The following FBXO4 variants were observed in gnomAD, a reference collection of about 807,000 sequenced individuals.
FBXO4 encodes F-box protein 4.
A neutral mutation model predicts 43.7 loss-of-function variants in FBXO4; 36 were observed. The observed-to-expected ratio is 0.82, with a 90% confidence interval of 0.63 to 1.09. The LOEUF is 1.09. Among genes scored for constraint, FBXO4 ranks in the 50% least tolerant of loss-of-function variants. FBXO4 has a pLI of 0.00. For missense variants in FBXO4, 435 were observed against 474.1 expected, an observed-to-expected ratio of 0.92 and a Z score of 0.77; for synonymous variants, 180 against 165.6, an observed-to-expected ratio of 1.09 and a Z score of -0.67.
the FBXO4 span, among the ~76,000 whole-genome samples, chr5:42,019,654 T>C: frequency 3.4e-5 from 5 of 148,008 alleles, no homozygotes; most frequent in African/African-American, 1.2e-4. Context: ...GATCACACCA[T>C]GGCACTCCAG....
the FBXO4 span, among the ~76,000 whole-genome samples, chr5:42,019,481 G>A: frequency 6.6e-6 from 1 of 152,168 alleles, no homozygotes; most frequent in South Asian, 2.1e-4. Flanking sequence ...CTGAGGTCAA[G>A]AGTTTGAGAC....
At chr5:41,955,196 C>A in the FBXO4 span, among the ~76,000 whole-genome samples, 1 of 152,012 alleles carries the variant, frequency 6.6e-6, no homozygotes, top group African/African-American at 2.4e-5. Flanking sequence ...TCACAAAATT[C>A]GTACCTTTTA....
At chr5:41,978,195 G>A in the FBXO4 span, among the ~76,000 whole-genome samples, 3 of 152,046 alleles carry the variant, frequency 2.0e-5, no homozygotes, top group African/African-American at 7.3e-5. Flanking sequence ...CACCTCTTTT[G>A]AACTATAAGA....
the FBXO4 span, among the ~76,000 whole-genome samples, chr5:42,021,402 C>T: frequency 6.6e-6 from 1 of 151,972 alleles, no homozygotes; most frequent in East Asian, 1.9e-4. Context: ...ATTTGAGCAC[C>T]CTTTTAGATC....
chr5:41,972,598 A>C, the FBXO4 span, among the ~76,000 whole-genome samples: 6 of 152,196 alleles, frequency 3.9e-5, no homozygotes, highest in African/African-American at 7.2e-5. Context: ...GAACCAAAAA[A>C]ATAAGCCTGA....
At chr5:42,001,974 C>T in the FBXO4 span, among the ~76,000 whole-genome samples, 19 of 152,268 alleles carry the variant, frequency 1.2e-4, no homozygotes, top group East Asian at 3.7e-3. Flanking sequence ...TGATAACAGG[C>T]GTGAGCCACT....
chr5:41,954,324 T>C, the FBXO4 span, among the ~76,000 whole-genome samples: 1 of 152,230 alleles, frequency 6.6e-6, no homozygotes, highest in African/African-American at 2.4e-5. Context: ...GAGATGCTAC[T>C]ATTAACATTT....
chr5:41,954,912 G>T, the FBXO4 span, among the ~76,000 whole-genome samples: 1 of 152,204 alleles, frequency 6.6e-6, no homozygotes, highest in Non-Finnish European at 1.5e-5. Context: ...AGGAATTCTA[G>T]AGAAAGCAGG....
At chr5:42,001,793 G>A in the FBXO4 span, among the ~76,000 whole-genome samples, 1 of 152,286 alleles carries the variant, frequency 6.6e-6, no homozygotes, top group East Asian at 1.9e-4. Flanking sequence ...CTGGGTTCAA[G>A]CAATTCTCCT....
At chr5:42,021,204 G>A in the FBXO4 span, among the ~76,000 whole-genome samples, 2 of 152,124 alleles carry the variant, frequency 1.3e-5, no homozygotes, top group African/African-American at 4.8e-5. Flanking sequence ...GTTGAAGGAA[G>A]GAAATCAGTT....
the FBXO4 span, among the ~76,000 whole-genome samples, chr5:41,952,951 T>C: frequency 3.9e-5 from 6 of 152,104 alleles, no homozygotes; most frequent in Non-Finnish European, 5.9e-5. Flanking sequence ...TCAGTTTTTT[T>C]CTTTTTTTAT....
At chr5:42,011,758 T>A in the FBXO4 span, among the ~76,000 whole-genome samples, 1 of 152,302 alleles carries the variant, frequency 6.6e-6, no homozygotes, top group South Asian at 2.1e-4. Context: ...ATGTAGAGTG[T>A]GTGCAGTAAG....
the FBXO4 span, chr5:41,967,047 G>T: frequency 3.8e-6 from 1 of 264,848 alleles, no homozygotes; most frequent in Non-Finnish European, 7.4e-6. Context: ...CATTTCAGTG[G>T]AAAAAATAAA....
chr5:41,989,377 A>C, the FBXO4 span, among the ~76,000 whole-genome samples: 5 of 152,296 alleles, frequency 3.3e-5, no homozygotes, highest in South Asian at 2.1e-4. Flanking sequence ...TTCAGAACTT[A>C]GCATAGAACT....
chr5:42,035,179 A>G, the FBXO4 span, among the ~76,000 whole-genome samples: 1 of 152,044 alleles, frequency 6.6e-6, no homozygotes, highest in African/African-American at 2.4e-5. Context: ...TTGTATCCTG[A>G]GACTTTGCTG....
chr5:42,013,853 C>T, the FBXO4 span, among the ~76,000 whole-genome samples: 3 of 152,124 alleles, frequency 2.0e-5, no homozygotes, highest in African/African-American at 4.8e-5. Context: ...TCAGCAAGTA[C>T]GTTCTCCATG....
chr5:41,954,166 T>A, the FBXO4 span, among the ~76,000 whole-genome samples: 1 of 152,116 alleles, frequency 6.6e-6, no homozygotes, highest in Non-Finnish European at 1.5e-5. Flanking sequence ...TTTTTTCGAA[T>A]ACTACAGAGG....
At chr5:41,957,003 C>T in the FBXO4 span, among the ~76,000 whole-genome samples, 44 of 152,010 alleles carry the variant, frequency 2.9e-4, no homozygotes, top group African/African-American at 8.7e-4. Flanking sequence ...TAAGCCCCTG[C>T]GCCTGGCCTT....
At chr5:41,944,033 A>G (rs565262257), downstream of FBXO4, among the ~76,000 whole-genome samples, 2 of 152,328 alleles carry the variant, frequency 1.3e-5, no homozygotes, top group African/African-American at 4.8e-5. Context: ...AAACTTCTAG[A>G]GTCCAGAATT....
Sources: allele counts gnomAD v4.1 joint callset (sites outside exome capture counted in the v4.1 genomes callset), GRCh38; gene constraint gnomAD v4.1.1; transcripts MANE v1.5; gene names NCBI Gene and HGNC (gene_info 2026-07-23, HGNC 2026-07-21).